Variants in SERINC2 observed in about 807,000 individuals in gnomAD.
SERINC2 encodes tumor differentially expressed protein 2.
A neutral mutation model predicts 54.2 loss-of-function variants in SERINC2; 56 were observed. The ratio of observed to expected loss-of-function variants is 1.03; its 90% CI spans 0.83 to 1.29. SERINC2 has a LOEUF of 1.29. Ranked by LOEUF, SERINC2 falls within the 50% of genes most tolerant of loss-of-function variation. The pLI is 0.00. For missense variants in SERINC2, 614 were observed against 607.4 expected (o/e 1.01, Z -0.12); for synonymous variants, 272 against 253.1 (o/e 1.07, Z -0.71).
At chr1:31,411,394 G>T (rs781977784), upstream of SERINC2, among the ~76,000 whole-genome samples, 1 of 152,112 alleles carries the variant, frequency 6.6e-6, no homozygotes, top group Non-Finnish European at 1.5e-5. Context: ...TACATTTCGC[G>T]TGTCACTACT....
chr1:31,423,678 A>C lies in SERINC2; in HGVS notation c.40-15A>C. ...GGTGAAGGGGAGAGGGAAGAGTGAC[A>C]GTGCCCTCCCGCAGGCGTCCTGCCT... On this transcript the variant is annotated splice_polypyrimidine_tract_variant and intron_variant, in intron 1 of 9. Coordinates refer to ENST00000373709, the MANE Select transcript of SERINC2 (RefSeq NM_178865.5). The C allele has an allele frequency of 6.2e-7, 1 of 1,603,492 alleles. No individual in the cohort carries two copies. Among genetic ancestry groups the C allele is most frequent in the Non-Finnish European group, 8.5e-7 (1 of 1,179,320 alleles).
At chr1:31,419,078 T>C (rs1464215593) in intron 1 of SERINC2, among the ~76,000 whole-genome samples, 1 of 152,176 alleles carries the variant, frequency 6.6e-6, no homozygotes, top group Admixed American at 6.5e-5. Context: ...CCACTGTAAG[T>C]GTTCTGGGGC....
intron 1 of SERINC2, among the ~76,000 whole-genome samples, chr1:31,421,986 TTATTTTATTTTAAAA>T (rs1640911965): frequency 6.6e-6 from 1 of 152,182 alleles, no homozygotes; most frequent in Non-Finnish European, 1.5e-5. Context: ...TCTCAGCTTA[TTATTTTATTTTAAAA>T]TATTTCTTTT....
chr1:31,413,169 C>G (rs188206648), upstream of SERINC2: 1 of 859,994 alleles, frequency 1.2e-6, no homozygotes. This position sits in a 1 kb window ranked among gnomAD's most constrained non-coding sequence, Gnocchi z 5.0. Context: ...GGGGCCGGGG[C>G]GGGGCCGGGG....
At position 31,433,953 on chromosome 1, in the gene SERINC2, G is replaced by C. The variant is rs1403167633; in HGVS notation, c.1233-111G>C. 4 of 1,104,506 alleles carry C rather than the reference G, an allele frequency of 3.6e-6. No individual in the cohort carries two copies. The African/African-American group carries it at 4.6e-5, about 13-fold the overall frequency. 68.4% of individuals were successfully genotyped at this position (1,104,506 alleles called of 1,614,324 possible). On this transcript the variant is annotated intron_variant, in intron 9 of 9. Coordinates refer to ENST00000373709, the MANE Select transcript of SERINC2 (RefSeq NM_178865.5). Reference sequence around the variant, plus strand: ...TGTCAGAGATGGACTGGAGTTACAGGGTAAGAGCCAGAGTTGAAGTCAGGG... The same window carrying C: ...TGTCAGAGATGGACTGGAGTTACAGCGTAAGAGCCAGAGTTGAAGTCAGGG...
intron 1 of SERINC2, among the ~76,000 whole-genome samples, chr1:31,423,064 A>G (rs1449687600): frequency 6.6e-6 from 1 of 152,264 alleles, no homozygotes; most frequent in Non-Finnish European, 1.5e-5. Flanking sequence ...GATAGCCTGT[A>G]AGCTCCTGCT....
chr1:31,419,467 C>T (rs1476132333), intron 1 of SERINC2, among the ~76,000 whole-genome samples: 1 of 152,096 alleles, frequency 6.6e-6, no homozygotes, highest in Admixed American at 6.5e-5. Context: ...CATATTTGCC[C>T]CATTCAGCAG....
In SERINC2 at chr1:31,426,701, G is replaced by A. The variant is rs1211669610; in HGVS notation, c.658G>A (p.Val220Met). The change falls in exon 6 of 10, where the codon GTG becomes ATG. Residue 220 changes from valine (V) to methionine (M), a missense_variant. Transcript: ENST00000373709. Reference protein sequence around the residue: ...LLFYLLSIAAVALMFMYYTEP... With the variant: ...LLFYLLSIAAMALMFMYYTEP... Reference sequence around the variant, plus strand: ...CTTCTACTTGCTGTCGATCGCGGCCGTGGCGCTGATGTTCATGTACTACAC... The same window carrying A: ...CTTCTACTTGCTGTCGATCGCGGCCATGGCGCTGATGTTCATGTACTACAC... The A allele has an allele frequency of 1.4e-5, 23 of 1,613,562 alleles. No individual in the cohort carries two copies. The highest frequency in any genetic ancestry group is 4.5e-5 in the East Asian group (2 of 44,870).
rs1553133059 is a variant in SERINC2, at chr1:31,423,790, T to A, written c.137T>A (p.Leu46His). 3 of 1,613,930 alleles carry A rather than the reference T, an allele frequency of 1.9e-6. No individual in the cohort carries two copies. The African/African-American group carries it at 4.0e-5, about 22-fold the overall frequency. ...TVSRLIFTFF[L>H]FLGVLVSIIM... is the part of the protein sequence containing the mutation. ...AGCCGCCTCATCTTCACGTTCTTCC[T>A]CTTCCTGGGGGTGCTGGTGTCCATC... The change falls in exon 2 of 10, where the codon CTC (leucine) becomes CAC (histidine). Residue 46 changes from leucine (L) to histidine (H), a missense_variant. Coordinates refer to ENST00000373709, the MANE Select transcript of SERINC2 (RefSeq NM_178865.5).
chr1:31,432,093 C>T (rs146586244), intron 8 of SERINC2, among the ~76,000 whole-genome samples: 5,487 of 15,570 alleles, frequency 0.35, 264 homozygotes, highest in Admixed American at 0.36. Context: ...TTAGGGTGGA[C>T]AGGGTGGACA....
At chr1:31,432,084 TAGGGTGGACAGGGTGGAC>T (rs1297998581) in intron 8 of SERINC2, among the ~76,000 whole-genome samples, 188 of 13,390 alleles carry the variant, frequency 0.014, 10 homozygotes, top group Middle Eastern at 0.091. Flanking sequence ...ACAGGGTGGT[TAGGGTGGACAGGGTGGAC>T]AGGGTGGATA....
At chr1:31,413,088 C>T, upstream of SERINC2, 1 of 980,654 alleles carries the variant, frequency 1.0e-6, no homozygotes, top group South Asian at 4.7e-5. The surrounding 1 kb of genome is among the most constrained non-coding windows in gnomAD (Gnocchi z 5.0). Flanking sequence ...TCCTGGCGCA[C>T]CTGCCCCAGG....
chr1:31,413,192 C>T (rs1420922742), upstream of SERINC2: 2 of 1,038,650 alleles, frequency 1.9e-6, no homozygotes, highest in Non-Finnish European at 2.3e-6. The surrounding 1 kb of genome is among the most constrained non-coding windows in gnomAD (Gnocchi z 5.0). Context: ...GGGGAGGGGC[C>T]AGGCCCGGCA....
chr1:31,414,167 C>T, intron 1 of SERINC2: 2 of 1,405,424 alleles, frequency 1.4e-6, no homozygotes, highest in Non-Finnish European at 1.8e-6. Context: ...GGGTTCGGGA[C>T]CTGTGGGGAG....
chr1:31,432,030 C>CAGGGTGGACAGGGTGGAT (rs1641264250), intron 8 of SERINC2, among the ~76,000 whole-genome samples: 1 of 15,464 alleles, frequency 6.5e-5, no homozygotes, highest in Admixed American at 7.2e-4. Context: ...ACAGGGTGGA[C>CAGGGTGGACAGGGTGGAT]AGGGTGGACA....
chr1:31,415,308 C>G (rs1239674394), intron 1 of SERINC2, among the ~76,000 whole-genome samples: 2 of 152,196 alleles, frequency 1.3e-5, no homozygotes, highest in African/African-American at 4.8e-5. Context: ...GGGACCCGGC[C>G]CTCCCTTCAG....
At chr1:31,422,215 C>A (rs1640919129) in intron 1 of SERINC2, among the ~76,000 whole-genome samples, 1 of 150,358 alleles carries the variant, frequency 6.7e-6, no homozygotes, top group African/African-American at 2.4e-5. Context: ...GGGAGGATGG[C>A]TTGAGCCCAG....
At chr1:31,431,524 C>G (rs1165774632) in intron 8 of SERINC2, among the ~76,000 whole-genome samples, 1 of 151,994 alleles carries the variant, frequency 6.6e-6, no homozygotes, top group Non-Finnish European at 1.5e-5. Context: ...TTTCCCTGCC[C>G]CTGGTTCTCT....
At chr1:31,433,213 G>C (rs782554520) in intron 9 of SERINC2, 28 bp downstream of exon 9, 95 of 1,589,960 alleles carry the variant, frequency 6.0e-5, no homozygotes, top group Non-Finnish European at 7.8e-5. Context: ...CATGGACAGA[G>C]CCCGGAGGTG....
Sources: allele counts gnomAD v4.1 joint callset (sites outside exome capture counted in the v4.1 genomes callset), GRCh38; gene constraint gnomAD v4.1.1; non-coding constraint Gnocchi (gnomAD v3.1); transcripts MANE v1.5; gene names NCBI Gene and HGNC (gene_info 2026-07-23, HGNC 2026-07-21).